The following VPS8 variants were observed in gnomAD, a reference collection of about 807,000 sequenced individuals.
VPS8 encodes the protein vacuolar protein sorting-associated protein 8 homolog.
VPS8 carries 129 observed loss-of-function variants against 216.4 expected under a neutral mutation model. The observed-to-expected ratio is 0.60, with a 90% CI of 0.52 to 0.69. The LOEUF is 0.69. VPS8 is among the 30% of genes least tolerant of loss of function. The pLI is 0.00. For missense variants in VPS8, 1,531 were observed against 1,683.5 expected, an observed-to-expected ratio of 0.91 and a Z score of 1.59; for synonymous variants, 571 against 565.4, an observed-to-expected ratio of 1.01 and a Z score of -0.14.
chr3:184,847,805 C>A (rs1231742805), intron 8 of VPS8, among the ~76,000 whole-genome samples: 1 of 152,110 alleles, frequency 6.6e-6, no homozygotes, highest in Non-Finnish European at 1.5e-5. Context: ...TATTTGAGTG[C>A]CTCCTGGAGA....
At chr3:184,829,053 G>A (rs1719427926) in intron 3 of VPS8, among the ~76,000 whole-genome samples, 2 of 152,122 alleles carry the variant, frequency 1.3e-5, no homozygotes, top group African/African-American at 2.4e-5. Flanking sequence ...ACATTGCTGT[G>A]TAAAATTCCT....
intron 31 of VPS8, among the ~76,000 whole-genome samples, chr3:184,927,139 A>G (rs1739810403): frequency 6.6e-6 from 1 of 152,164 alleles, no homozygotes; most frequent in African/African-American, 2.4e-5. Flanking sequence ...TAACTGTTTG[A>G]GTACCACTTC....
chr3:184,891,882 A>G (rs1445030940), intron 22 of VPS8, among the ~76,000 whole-genome samples: 3 of 152,164 alleles, frequency 2.0e-5, no homozygotes, highest in African/African-American at 7.2e-5. Context: ...TAAATTTGTA[A>G]TTTCTTATAA....
intron 1 of VPS8, chr3:184,813,870 A>C (rs1244692122): frequency 6.6e-6 from 1 of 152,204 alleles, no homozygotes; most frequent in Admixed American, 6.5e-5. Flanking sequence ...TTAATGAAGT[A>C]TGTTTAACTT....
intron 21 of VPS8, among the ~76,000 whole-genome samples, chr3:184,877,128 T>TA (rs1729414351): frequency 6.6e-6 from 1 of 152,214 alleles, no homozygotes; most frequent in Admixed American, 6.5e-5. Context: ...TCTCTCTGCA[T>TA]AAAAAATCCT....
chr3:184,973,980 T>A (rs979597764), intron 40 of VPS8, among the ~76,000 whole-genome samples: 1 of 152,214 alleles, frequency 6.6e-6, no homozygotes, highest in Non-Finnish European at 1.5e-5. Context: ...ATATTTTGGC[T>A]ATTGTGAATA....
chr3:184,900,230 T>C (rs770071016), intron 24 of VPS8, among the ~76,000 whole-genome samples: 3 of 152,192 alleles, frequency 2.0e-5, no homozygotes, highest in Non-Finnish European at 4.4e-5. Context: ...ACTGACAATA[T>C]ACAGATTAAC....
chr3:184,971,775 A>G (rs1748450497), intron 40 of VPS8, 23 bp downstream of exon 40: 2 of 1,601,344 alleles, frequency 1.2e-6, no homozygotes, highest in South Asian at 1.1e-5. Context: ...CTGTTTAGGT[A>G]TTTAAAAGCC....
At chr3:184,921,043 T>C (rs917669237) in intron 29 of VPS8, among the ~76,000 whole-genome samples, 1 of 152,218 alleles carries the variant, frequency 6.6e-6, no homozygotes, top group Non-Finnish European at 1.5e-5. Flanking sequence ...GCCAGTTTGA[T>C]TGAGTTGGCT....
intron 46 of VPS8, among the ~76,000 whole-genome samples, chr3:185,029,145 G>T (rs190809840): frequency 1.4e-4 from 22 of 152,260 alleles, no homozygotes; most frequent in Non-Finnish European, 2.4e-4. Context: ...ATATATTTTT[G>T]TGTGGATATG....
chr3:185,031,859 T>C (rs1758219341), intron 46 of VPS8, among the ~76,000 whole-genome samples: 1 of 152,166 alleles, frequency 6.6e-6, no homozygotes, highest in Non-Finnish European at 1.5e-5. Context: ...TATGAGTCTA[T>C]AATTGTATTA....
At chr3:185,049,996 G>A (rs1371089470) in intron 47 of VPS8, among the ~76,000 whole-genome samples, 1 of 152,028 alleles carries the variant, frequency 6.6e-6, no homozygotes, top group African/African-American at 2.4e-5. Context: ...CCCAGGAGTT[G>A]GGTTTCTGGG....
chr3:184,844,098 C>T (rs748075228), intron 8 of VPS8, among the ~76,000 whole-genome samples: 2 of 152,062 alleles, frequency 1.3e-5, no homozygotes, highest in African/African-American at 2.4e-5. Context: ...TTTTCTCCCT[C>T]GGTCCTAGAG....
chr3:185,040,551 A>G lies in VPS8; in HGVS notation c.4057-7928A>G, dbSNP rs565399699. On this transcript the variant is annotated intron_variant, in intron 46 of 47. Transcript: ENST00000625842. ...CATCCACAATCCATTTCCTCTATCT[A>G]CTCCACCCTATCATACCACATCTCC... Among the ~76,000 whole-genome samples the G allele has an allele frequency of 3.0e-4, 45 of 151,050 alleles. 1 individual carries two copies. The highest frequency in any genetic ancestry group is 1.0e-3 in the African/African-American group (41 of 41,122).
At chr3:185,003,618 T>C (rs1466819052) in intron 45 of VPS8, among the ~76,000 whole-genome samples, 1 of 152,022 alleles carries the variant, frequency 6.6e-6, no homozygotes, top group Non-Finnish European at 1.5e-5. Flanking sequence ...CCCTTTTCTA[T>C]TCCACAAAAC....
chr3:184,957,732 C>A (rs1020526631), intron 37 of VPS8, among the ~76,000 whole-genome samples: 1 of 152,074 alleles, frequency 6.6e-6, no homozygotes, highest in Non-Finnish European at 1.5e-5. Context: ...GTAGGAGAGA[C>A]CTCAGTTCAA....
intron 45 of VPS8, among the ~76,000 whole-genome samples, chr3:185,012,132 T>C (rs1193609010): frequency 6.6e-6 from 1 of 151,262 alleles, no homozygotes; most frequent in African/African-American, 2.4e-5. Context: ...CAAAAATAAT[T>C]GAAGAAAGTA....
chr3:184,966,669 A>G lies in VPS8; in HGVS notation c.3274-2A>G, dbSNP rs1747457009. The G allele has an allele frequency of 3.2e-6, 5 of 1,584,384 alleles. No individual in the cohort carries two copies. Among genetic ancestry groups the G allele is most frequent in the East Asian group, 4.5e-5 (2 of 44,400 alleles). On this transcript the variant is annotated splice_acceptor_variant, in intron 38 of 47. Coordinates refer to ENST00000625842, the MANE Select transcript of VPS8 (RefSeq NM_001009921.3). LOFTEE classifies it high-confidence loss of function. Reference sequence around the variant, plus strand: ...AACTCCTATGTTCTTTTTATCTCCTAGAGACTACAAAGCAAACTTCAAGAG... The same window carrying G: ...AACTCCTATGTTCTTTTTATCTCCTGGAGACTACAAAGCAAACTTCAAGAG...
chr3:184,939,624 G>A (rs9876059), intron 35 of VPS8, among the ~76,000 whole-genome samples: 2,570 of 150,740 alleles, frequency 0.017, 76 homozygotes, highest in African/African-American at 0.06. Flanking sequence ...AGAAAGTCAC[G>A]TAAGTGAGTA....
Sources: gnomAD v4.1 joint callset for allele counts (sites outside exome capture counted in the v4.1 genomes callset) on GRCh38, gnomAD v4.1.1 for gene constraint, MANE v1.5 for transcripts, NCBI Gene and HGNC (gene_info 2026-07-23, HGNC 2026-07-21) for gene names.